KSR1: variants seen among roughly 807,000 people sequenced by gnomAD.
KSR1 encodes kinase suppressor of ras 1, also known as kinase suppressor of ras.
In KSR1, 35 loss-of-function variants were observed where a neutral mutation model predicts 92.9. The observed-to-expected ratio is 0.38, with a 90% CI of 0.29 to 0.50. KSR1 has a LOEUF of 0.50. Among genes scored for constraint, KSR1 ranks in the 20% least tolerant of loss-of-function variants. The pLI, the probability that KSR1 is intolerant of heterozygous loss-of-function variation, is 0.94. For synonymous variants in KSR1, 467 were observed against 472.6 expected (o/e 0.99, Z 0.15); for missense variants, 972 against 1,158.5 (o/e 0.84, Z 2.34).
chr17:27,543,605 G>A (rs373953659), intron 1 of KSR1, among the ~76,000 whole-genome samples: 12 of 152,186 alleles, frequency 7.9e-5, no homozygotes, highest in African/African-American at 2.4e-4. Context: ...AGTGATACTC[G>A]TGGAGCCTCC....
intron 18 of KSR1, among the ~76,000 whole-genome samples, chr17:27,616,253 A>G (rs746658563): frequency 1.3e-5 from 2 of 152,118 alleles, no homozygotes; most frequent in Non-Finnish European, 2.9e-5. Flanking sequence ...GGAAATCCCC[A>G]TTAGACAGAA....
At chr17:27,603,291 G>C (rs142688827) in intron 11 of KSR1, among the ~76,000 whole-genome samples, 48 of 152,330 alleles carry the variant, frequency 3.2e-4, no homozygotes, top group Non-Finnish European at 5.1e-4. Flanking sequence ...ACCTGAAGCC[G>C]AGGGCTCGGG....
chr17:27,597,378 C>T lies in KSR1; in HGVS notation c.1410C>T (p.Ser470=), dbSNP rs373584811. 1.5e-5 allele frequency: 24 copies of T among 1,613,566 alleles called. No homozygotes were observed. Among genetic ancestry groups the T allele is most frequent in the Middle Eastern group, 3.3e-4 (2 of 6,082 alleles). The change falls in exon 10 of 21, where the codon AGC becomes AGT. Residue 470 remains serine, a synonymous_variant. Coordinates refer to ENST00000644974, the MANE Select transcript of KSR1 (RefSeq NM_001394583.1). The part of the protein sequence containing the change: ...APFPTSSNPS[S]ATTPPNPSPG... Reference sequence around the variant, plus strand: ...TCCCGACATCATCCAACCCATCCAGCGCCACCACGCCCCCCAACCCCTCAC... The same window carrying T: ...TCCCGACATCATCCAACCCATCCAGTGCCACCACGCCCCCCAACCCCTCAC...
chr17:27,622,978 C>T, intron 20 of KSR1: 1 of 331,616 alleles, frequency 3.0e-6, no homozygotes, highest in Non-Finnish European at 5.5e-6. Flanking sequence ...TCATGTTTCT[C>T]TTCTCTCTCA....
At chr17:27,542,779 A>G (rs2071014065) in intron 1 of KSR1, among the ~76,000 whole-genome samples, 1 of 152,232 alleles carries the variant, frequency 6.6e-6, no homozygotes, top group African/African-American at 2.4e-5. Context: ...TGTTCTGGAC[A>G]TTGGACTAAA....
At chr17:27,551,636 A>G (rs1567818735) in intron 2 of KSR1, among the ~76,000 whole-genome samples, 1 of 151,988 alleles carries the variant, frequency 6.6e-6, no homozygotes, top group Non-Finnish European at 1.5e-5. Context: ...AGGTAGTCAC[A>G]AGCCTCATGA....
At chr17:27,616,259 C>T (rs2074051701) in intron 18 of KSR1, among the ~76,000 whole-genome samples, 1 of 152,180 alleles carries the variant, frequency 6.6e-6, no homozygotes, top group Non-Finnish European at 1.5e-5. Context: ...CCCCATTAGA[C>T]AGAATTTGGT....
intron 1 of KSR1, among the ~76,000 whole-genome samples, chr17:27,548,221 C>A (rs182106771): frequency 7.1e-6 from 1 of 139,866 alleles, no homozygotes; most frequent in Non-Finnish European, 1.5e-5. Flanking sequence ...CATAGTGAGA[C>A]CCCATCTCAA....
At chr17:27,493,466 A>T (rs2068886234) in intron 1 of KSR1, among the ~76,000 whole-genome samples, 1 of 152,180 alleles carries the variant, frequency 6.6e-6, no homozygotes, top group South Asian at 2.1e-4. Context: ...TCAGCTCCGT[A>T]TAATGTTTAT....
chr17:27,592,286 C>G, intron 7 of KSR1, 75 bp from the exon 8 acceptor site: 1 of 1,153,548 alleles, frequency 8.7e-7, no homozygotes, highest in Admixed American at 1.9e-5. Flanking sequence ...TGAGTGAATG[C>G]TACACAGAGC....
chr17:27,515,968 C>T (rs2069777073), intron 1 of KSR1, among the ~76,000 whole-genome samples: 1 of 152,112 alleles, frequency 6.6e-6, no homozygotes, highest in African/African-American at 2.4e-5. Flanking sequence ...ACAATTGGCT[C>T]TCCATGGCTG....
rs2037515 is a variant in KSR1 at position 27,459,589 on chromosome 17, G to A, written c.231+2715G>A. 0.91 allele frequency among the ~76,000 whole-genome samples: 139,336 copies of A among 152,324 alleles called. 63,778 individuals carry two copies. The highest frequency in any genetic ancestry group is 1 in the East Asian group (5,178 of 5,182). On this transcript the variant is annotated intron_variant, in intron 1 of 20. Coordinates refer to ENST00000644974, the MANE Select transcript of KSR1 (RefSeq NM_001394583.1). The surrounding 1 kb of genome is among the most constrained non-coding windows in gnomAD (Gnocchi z 4.6). ...CTGTGGGCTCCCCACACACCAGGCC[G>A]TGGCCCCAGAGACTGTGCTTGCAAC...
At position 27,601,911 on chromosome 17, in the gene KSR1, G is replaced by T. The variant is rs368499383; in HGVS notation, c.1510+510G>T. ...CACACAGTGCCATCTGCTGGCCATT[G>T]CTGGAAATGCCTCCTTATTGCAGAA... On this transcript the variant is annotated intron_variant, in intron 11 of 20. Transcript: ENST00000644974. 3.1e-6 allele frequency: 5 copies of T among 1,609,596 alleles called. No homozygotes were observed. In the East Asian group the frequency reaches 8.9e-5, roughly 29 times the overall value.
At chr17:27,601,999 C>T in intron 11 of KSR1, 3 of 1,404,840 alleles carry the variant, frequency 2.1e-6, no homozygotes, top group Non-Finnish European at 3.0e-6. Flanking sequence ...AAGTTGTTTT[C>T]TACACTTACT....
intron 1 of KSR1, among the ~76,000 whole-genome samples, chr17:27,493,767 A>C (rs2068895530): frequency 6.6e-6 from 1 of 152,194 alleles, no homozygotes; most frequent in African/African-American, 2.4e-5. Flanking sequence ...ACTGAAAAGG[A>C]AATAATGGGG....
At chr17:27,506,107 T>C (rs12149998) in intron 1 of KSR1, among the ~76,000 whole-genome samples, 72,959 of 152,090 alleles carry the variant, frequency 0.48, 18,994 homozygotes, top group East Asian at 0.69. Flanking sequence ...ATGCTCCCTC[T>C]TTGTCCTTGT....
intron 1 of KSR1, among the ~76,000 whole-genome samples, chr17:27,471,154 C>T (rs748692345): frequency 3.9e-5 from 6 of 152,198 alleles, no homozygotes; most frequent in Non-Finnish European, 5.9e-5. Context: ...CGTGAGCCAC[C>T]GTGCCGGGCC....
intron 1 of KSR1, among the ~76,000 whole-genome samples, chr17:27,526,027 CTTT>C (rs1467256117): frequency 3.0e-5 from 3 of 100,236 alleles, no homozygotes; most frequent in Non-Finnish European, 3.7e-5. Flanking sequence ...CTTTTCTTTT[CTTT>C]TCTTTTCTTT....
chr17:27,519,464 C>G (rs1375159408), intron 1 of KSR1, among the ~76,000 whole-genome samples: 1 of 152,116 alleles, frequency 6.6e-6, no homozygotes, highest in Non-Finnish European at 1.5e-5. Flanking sequence ...CCTTCAACCC[C>G]CGGCATTTAG....
Sources: allele counts gnomAD v4.1 joint callset (sites outside exome capture counted in the v4.1 genomes callset), GRCh38; gene constraint gnomAD v4.1.1; non-coding constraint Gnocchi (gnomAD v3.1); transcripts MANE v1.5; gene names NCBI Gene and HGNC (gene_info 2026-07-23, HGNC 2026-07-21).